Variants in NFILZ observed in about 807,000 individuals in gnomAD.
NFILZ encodes the protein NFIL3 like protein.
chr19:8,665,402 G>A (rs1253320002), intron 3 of NFILZ, among the ~76,000 whole-genome samples: 1 of 152,140 alleles, frequency 6.6e-6, no homozygotes, highest in Non-Finnish European at 1.5e-5. Context: ...GGGTACTAAG[G>A]CCAGAAAAGG....
At chr19:8,675,671 G>A (rs1004003949) in intron 4 of NFILZ, among the ~76,000 whole-genome samples, 8 of 152,178 alleles carry the variant, frequency 5.3e-5, no homozygotes, top group African/African-American at 1.9e-4. Flanking sequence ...GGAAGCTGAG[G>A]CATGATGATT....
At chr19:8,647,811 A>ATGCGCGCG (rs2042948059) in intron 3 of NFILZ, among the ~76,000 whole-genome samples, 2 of 140,586 alleles carry the variant, frequency 1.4e-5, no homozygotes, top group Admixed American at 7.0e-5. Flanking sequence ...ACACACACAC[A>ATGCGCGCG]CACACACACA....
Position 8,679,150 on chromosome 19 carries a change from C to A in NFILZ, c.*1515C>A, listed in dbSNP as rs906256324. 1.6e-4 allele frequency among the ~76,000 whole-genome samples: 23 copies of A among 145,584 alleles called. No homozygotes were observed. Among genetic ancestry groups the A allele is most frequent in the African/African-American group, 4.9e-4 (19 of 38,824 alleles). ...CCTGGCTGCCCCCTGCCCCTGAGAA[C>A]CAGGTATACACCCACCCAGGTGGAA... On this transcript the variant is annotated 3_prime_UTR_variant, in exon 6 of 6. Coordinates refer to ENST00000691075, the MANE Select transcript of NFILZ (RefSeq NM_001378600.1).
chr19:8,671,296 C>T (rs953053734), intron 3 of NFILZ, among the ~76,000 whole-genome samples: 9 of 152,100 alleles, frequency 5.9e-5, no homozygotes, highest in South Asian at 2.1e-4. Flanking sequence ...ACTTCCTCTG[C>T]GACCACAGGA....
chr19:8,662,064 G>A (rs1431813561), intron 3 of NFILZ, among the ~76,000 whole-genome samples: 1 of 152,056 alleles, frequency 6.6e-6, no homozygotes, highest in Non-Finnish European at 1.5e-5. Flanking sequence ...AACTGGCCAG[G>A]TGTGGTGGCA....
At chr19:8,669,323 A>G (rs1457793816) in intron 3 of NFILZ, among the ~76,000 whole-genome samples, 3 of 152,154 alleles carry the variant, frequency 2.0e-5, no homozygotes, top group Non-Finnish European at 4.4e-5. Context: ...CTCTTAACAC[A>G]TCTTACCTTA....
chr19:8,648,831 G>A (rs1555747447), intron 3 of NFILZ, among the ~76,000 whole-genome samples: 1 of 147,696 alleles, frequency 6.8e-6, no homozygotes, highest in East Asian at 2.0e-4. Flanking sequence ...TCCAGCCTGG[G>A]CAACAAAGTG....
At chr19:8,636,297 A>G (rs2042894193) in intron 3 of NFILZ, among the ~76,000 whole-genome samples, 1 of 151,084 alleles carries the variant, frequency 6.6e-6, no homozygotes, top group Admixed American at 6.6e-5. Context: ...AAAATACAAA[A>G]ATTAACTGGG....
In NFILZ at chr19:8,653,040, CT is replaced by C. The variant is rs1600145679; in HGVS notation, c.-164+17295del. ...TCTTTCTTTCTTTCTTTCTTTCTTT[CT>C]CTCTCTCTCTCTCTCTCTCTCTCTC... On this transcript the variant is annotated intron_variant, in intron 3 of 5. Coordinates refer to ENST00000691075, the MANE Select transcript of NFILZ (RefSeq NM_001378600.1). Among the ~76,000 whole-genome samples the C allele has an allele frequency of 2.8e-3, 175 of 63,326 alleles. 1 individual carries two copies. Among genetic ancestry groups the C allele is most frequent in the African/African-American group, 7.9e-3 (116 of 14,654 alleles). 41.5% of individuals were successfully genotyped at this position (63,326 alleles called of 152,430 possible).
At chr19:8,639,807 C>T (rs12971658) in intron 3 of NFILZ, among the ~76,000 whole-genome samples, 30,298 of 151,840 alleles carry the variant, frequency 0.2, 3,350 homozygotes, top group Middle Eastern at 0.34. Context: ...TTTTTATATG[C>T]GGTAGGCGTG....
In NFILZ at chr19:8,663,657, C is replaced by T. The variant is rs552960623; in HGVS notation, c.-163-10894C>T. ...CACGAATGCTGAGTTTGGGGTGAAG[C>T]CAGCTGGGAGTCACAATCTCCTGGG... On this transcript the variant is annotated intron_variant, in intron 3 of 5. Coordinates refer to ENST00000691075, the MANE Select transcript of NFILZ (RefSeq NM_001378600.1). Among the ~76,000 whole-genome samples, 4 of 151,272 alleles carry T rather than the reference C, an allele frequency of 2.6e-5. No homozygotes were observed. In the South Asian group the frequency reaches 6.3e-4, roughly 24 times the overall value.
chr19:8,646,605 G>C (rs28552088), intron 3 of NFILZ, among the ~76,000 whole-genome samples: 2,528 of 152,198 alleles, frequency 0.017, 72 homozygotes, highest in African/African-American at 0.058. Flanking sequence ...GCTCCCCGAG[G>C]CCCCTGGGTT....
chr19:8,675,475 T>A (rs368409233), intron 4 of NFILZ, among the ~76,000 whole-genome samples: 6 of 152,136 alleles, frequency 3.9e-5, no homozygotes, highest in African/African-American at 1.4e-4. Flanking sequence ...ACCCTAGGGG[T>A]TGGGAATCTA....
chr19:8,654,889 C>T (rs1241482894), intron 3 of NFILZ, among the ~76,000 whole-genome samples: 1 of 152,146 alleles, frequency 6.6e-6, no homozygotes, highest in Non-Finnish European at 1.5e-5. Flanking sequence ...CACTCTGCCC[C>T]TGGAGTCCAG....
chr19:8,656,372 C>CCCGCAGCCCACCTTCT (rs2042997865), intron 3 of NFILZ, among the ~76,000 whole-genome samples: 1 of 130,538 alleles, frequency 7.7e-6, no homozygotes, highest in African/African-American at 2.9e-5. Flanking sequence ...CCCACCTTCT[C>CCCGCAGCCCACCTTCT]CCTGAAGCCC....
At chr19:8,663,973 G>A (rs2043049814) in intron 3 of NFILZ, among the ~76,000 whole-genome samples, 1 of 152,198 alleles carries the variant, frequency 6.6e-6, no homozygotes, top group African/African-American at 2.4e-5. Flanking sequence ...TGAGGCCAGT[G>A]CCCTGCAGAG....
rs2042920106 is a variant in NFILZ at position 8,641,722 on chromosome 19, CT to C, written c.-164+5977del. Among the ~76,000 whole-genome samples, 3 of 152,194 alleles carry C rather than the reference CT, an allele frequency of 2.0e-5. 1 individual carries two copies. The South Asian group carries it at 6.2e-4, about 31-fold the overall frequency. On this transcript the variant is annotated intron_variant, in intron 3 of 5. Transcript: ENST00000691075. ...GTCTTCTCTCTGTGCCTCAGTTTCC[CT>C]ATCTGCAAAGCCAGGATAATAATAG...
At chr19:8,640,915 A>G (rs1555746598) in intron 3 of NFILZ, among the ~76,000 whole-genome samples, 1 of 152,138 alleles carries the variant, frequency 6.6e-6, no homozygotes, top group African/African-American at 2.4e-5. Flanking sequence ...TATTGGAAAG[A>G]TGCATATCAC....
intron 3 of NFILZ, among the ~76,000 whole-genome samples, chr19:8,661,169 CT>C (rs571235220): frequency 4.9e-4 from 70 of 143,580 alleles, no homozygotes; most frequent in African/African-American, 1.7e-3. Flanking sequence ...CTCTCTCTCT[CT>C]TTTTTTCTTT....
Sources: gnomAD v4.1 joint callset for allele counts (sites outside exome capture counted in the v4.1 genomes callset) on GRCh38, gnomAD v4.1.1 for gene constraint, MANE v1.5 for transcripts, NCBI Gene and HGNC (gene_info 2026-07-23, HGNC 2026-07-21) for gene names.